The following DIP2A variants were observed in gnomAD, a reference collection of about 807,000 sequenced individuals.
The protein encoded by DIP2A is DIP2 acetate--CoA ligase A.
In DIP2A, 85 loss-of-function variants were observed where a neutral mutation model predicts 177.4. The observed-to-expected ratio is 0.48, with a 90% confidence interval of 0.40 to 0.57. The LOEUF is 0.57. Ranked by LOEUF, DIP2A falls within the 20% of genes least tolerant of loss-of-function variation. The pLI is 0.00. For synonymous variants in DIP2A, 886 were observed against 881.8 expected, an observed-to-expected ratio of 1.00 and a Z score of -0.08; for missense variants, 1,791 against 2,100.2, an observed-to-expected ratio of 0.85 and a Z score of 2.88.
intron 8 of DIP2A, among the ~76,000 whole-genome samples, chr21:46,513,390 T>C (rs1426625639): frequency 2.0e-5 from 3 of 152,174 alleles, no homozygotes; most frequent in African/African-American, 7.2e-5. Flanking sequence ...AGTGTTACTT[T>C]GTTATATAGT....
At chr21:46,513,941 A>G (rs2058428964) in intron 8 of DIP2A, among the ~76,000 whole-genome samples, 1 of 152,150 alleles carries the variant, frequency 6.6e-6, no homozygotes, top group Non-Finnish European at 1.5e-5. Flanking sequence ...GGAATCTTCC[A>G]GTTTATGATT....
intron 8 of DIP2A, among the ~76,000 whole-genome samples, chr21:46,520,745 G>A (rs1307561469): frequency 6.6e-6 from 1 of 152,150 alleles, no homozygotes; most frequent in Non-Finnish European, 1.5e-5. Context: ...TGTCATATCA[G>A]AGTTATAGAA....
intron 1 of DIP2A, among the ~76,000 whole-genome samples, chr21:46,468,943 T>C (rs1234904274): frequency 6.6e-6 from 1 of 152,268 alleles, no homozygotes; most frequent in African/African-American, 2.4e-5. Flanking sequence ...GTTTAATTCC[T>C]GTCTTTCTTT....
chr21:46,533,904 G>T, intron 11 of DIP2A, 100 bp from the exon 12 acceptor site: 1 of 1,080,516 alleles, frequency 9.3e-7, no homozygotes, highest in Non-Finnish European at 1.4e-6. Context: ...CTCCTTATTC[G>T]CTCAGTAGCT....
chr21:46,558,565 G>A, intron 32 of DIP2A, 172 bp downstream of exon 32: 2 of 683,942 alleles, frequency 2.9e-6, no homozygotes, highest in East Asian at 5.5e-5. Context: ...TATTTTTAAA[G>A]ATGTTCTATT....
chr21:46,582,959 GCAAA>G, the DIP2A span, among the ~76,000 whole-genome samples: 19 of 152,144 alleles, frequency 1.2e-4, no homozygotes, highest in East Asian at 2.1e-3. Context: ...GTAAAAACAA[GCAAA>G]CAAACAAAAA....
intron 7 of DIP2A, among the ~76,000 whole-genome samples, chr21:46,509,862 ACAGGGGCCCC>A (rs2058218398): frequency 6.6e-6 from 1 of 152,102 alleles, no homozygotes; most frequent in African/African-American, 2.4e-5. Flanking sequence ...CGTTAGGGCC[ACAGGGGCCCC>A]ATGCTGGTCC....
chr21:46,521,558 C>T (rs927513632), intron 8 of DIP2A, among the ~76,000 whole-genome samples: 2 of 152,142 alleles, frequency 1.3e-5, no homozygotes, highest in Non-Finnish European at 2.9e-5. Flanking sequence ...ATTGCATTAG[C>T]GCATTATTGA....
In DIP2A at chr21:46,497,079, T is replaced by A; in HGVS notation, c.375T>A (p.His125Gln). 6.2e-7 allele frequency: 1 copy of A among 1,613,916 alleles called. No homozygotes were observed. The highest frequency in any genetic ancestry group is 8.5e-7 in the Non-Finnish European group (1 of 1,179,870). ...MPSKRRSVLVHSSVETYTPPD... is the reference protein window; with the variant it reads ...MPSKRRSVLVQSSVETYTPPD... ...CGAAGAGACGTTCTGTCCTTGTGCA[T>A]TCGTCTGTGGAAACCTACACCCCTC... Residue 125 changes from histidine (H) to glutamine (Q), a missense_variant, in exon 4 of 38, where the codon CAT becomes CAA. By Grantham distance (24) the His-to-Gln change is conservative (BLOSUM62 0). Transcript: ENST00000417564.
Position 46,567,732 on chromosome 21 carries a change from C to T in DIP2A, c.*110C>T, listed in dbSNP as rs891693009. 28 of 1,333,882 alleles carry T rather than the reference C, an allele frequency of 2.1e-5. No individual in the cohort carries two copies. The highest frequency in any genetic ancestry group is 2.7e-5 in the Non-Finnish European group (27 of 990,728). 82.6% of individuals were successfully genotyped at this position (1,333,882 alleles called of 1,614,324 possible). On this transcript the variant is annotated 3_prime_UTR_variant, in exon 38 of 38. Coordinates refer to ENST00000417564, the MANE Select transcript of DIP2A (RefSeq NM_015151.4). Reference sequence around the variant, plus strand: ...CACCGGGACTCGCCCTTCCTGTGCTCTTACAGATCCCTCTCAACAATCCCC... The same window carrying T: ...CACCGGGACTCGCCCTTCCTGTGCTTTTACAGATCCCTCTCAACAATCCCC...
intron 37 of DIP2A, 130 bp downstream of exon 37, chr21:46,566,813 C>T: frequency 7.9e-7 from 1 of 1,262,552 alleles, no homozygotes; most frequent in Admixed American, 2.2e-5. Flanking sequence ...CATTGTCACC[C>T]TGGTCTGCAG....
intron 8 of DIP2A, among the ~76,000 whole-genome samples, chr21:46,512,826 A>G (rs2058373417): frequency 4.7e-5 from 2 of 42,348 alleles, no homozygotes; most frequent in Admixed American, 3.3e-4. Context: ...CAAAACAAAA[A>G]AAACTTTTTT....
Position 46,498,494 on chromosome 21 carries a change from G to C in DIP2A, c.404-88G>C. ...GGTGTACAGAAGCATGCTGCACACA[G>C]GTCTGGGAGGCTCCAGTGTGAGTGG... is the stretch of plus-strand genomic sequence containing the variant. On this transcript the variant is annotated intron_variant, in intron 4 of 37. Transcript: ENST00000417564. The surrounding 1 kb of genome is among the most constrained non-coding windows in gnomAD (Gnocchi z 4.3). 6.7e-7 allele frequency: 1 copy of C among 1,493,818 alleles called. No homozygotes were observed. Among genetic ancestry groups the C allele is most frequent in the South Asian group, 1.3e-5 (1 of 79,396 alleles). The allele number at this position is 1,493,818 out of a possible 1,614,324, so 92.5% of individuals were successfully genotyped here.
At chr21:46,484,651 T>G in intron 1 of DIP2A, 106 bp from the exon 2 acceptor site, 1 of 947,586 alleles carries the variant, frequency 1.1e-6, no homozygotes, top group Non-Finnish European at 1.6e-6. Flanking sequence ...AGACACTTCA[T>G]GGAAGGACAT....
chr21:46,558,193 C>G lies in DIP2A; in HGVS notation c.3799-30C>G, dbSNP rs201598868. 335 of 1,590,742 alleles carry G rather than the reference C, an allele frequency of 2.1e-4. 2 individuals are homozygous for G. The East Asian group carries it at 6.9e-3, about 33-fold the overall frequency. ...GCCCTGGCAACTCACTGAGCTGTGG[C>G]CGTGGCCTGACCGCTCACCCCTCCC... On this transcript the variant is annotated intron_variant, in intron 31 of 37. Transcript: ENST00000417564.
chr21:46,561,639 G>C (rs779286864), intron 33 of DIP2A, 109 bp from the exon 34 acceptor site: 3 of 1,378,932 alleles, frequency 2.2e-6, no homozygotes, highest in Non-Finnish European at 3.1e-6. Flanking sequence ...CATCCTGACT[G>C]TTGTCAACAG....
At chr21:46,546,036 G>T (rs747900170) in intron 20 of DIP2A, 75 bp downstream of exon 20, 2 of 1,606,338 alleles carry the variant, frequency 1.2e-6, no homozygotes, top group Admixed American at 1.7e-5. Context: ...CCTCGTTGCA[G>T]CCCCACCCTT....
chr21:46,512,240 CT>C (rs2058347148), intron 8 of DIP2A, among the ~76,000 whole-genome samples: 1 of 152,098 alleles, frequency 6.6e-6, no homozygotes, highest in African/African-American at 2.4e-5. Context: ...GTGGTTTCCA[CT>C]TTGGGGCTAT....
the DIP2A span, among the ~76,000 whole-genome samples, chr21:46,578,156 A>G: frequency 2.0e-5 from 3 of 152,146 alleles, no homozygotes; most frequent in Non-Finnish European, 4.4e-5. Context: ...TAGTAAAAAT[A>G]CAAAAATTAG....
Sources: allele counts gnomAD v4.1 joint callset (sites outside exome capture counted in the v4.1 genomes callset), GRCh38; gene constraint gnomAD v4.1.1; non-coding constraint Gnocchi (gnomAD v3.1); transcripts MANE v1.5; gene names NCBI Gene and HGNC (gene_info 2026-07-23, HGNC 2026-07-21).